The following FSTL4 variants were observed in gnomAD, a reference collection of about 807,000 sequenced individuals.
The protein encoded by FSTL4 is follistatin-related protein 4.
FSTL4 carries 28 observed loss-of-function variants against 78.2 expected under a neutral mutation model. The observed-to-expected ratio is 0.36, with a 90% CI of 0.27 to 0.49. The LOEUF is 0.49. Ranked by LOEUF, FSTL4 falls within the 20% of genes least tolerant of loss-of-function variation. The pLI is 0.98. For missense variants in FSTL4, 922 were observed against 1,084.9 expected, an observed-to-expected ratio of 0.85 and a Z score of 2.11; for synonymous variants, 422 against 440.5, an observed-to-expected ratio of 0.96 and a Z score of 0.53.
At chr5:133,217,971 T>A (rs572913645) in intron 12 of FSTL4, among the ~76,000 whole-genome samples, 1 of 152,158 alleles carries the variant, frequency 6.6e-6, no homozygotes, top group Admixed American at 6.5e-5. Flanking sequence ...CCCTTGTTAA[T>A]CTCATTGAAA....
Position 133,236,892 on chromosome 5 carries a change from C to T in FSTL4, c.895-3355G>A, listed in dbSNP as rs1487632039. On this transcript the variant is annotated intron_variant, in intron 7 of 15. Coordinates refer to ENST00000265342, the MANE Select transcript of FSTL4 (RefSeq NM_015082.2). This position sits in a 1 kb window ranked among gnomAD's most constrained non-coding sequence, Gnocchi z 5.0. Reference sequence around the variant, plus strand: ...GCCGCCTGCTGCTTTCTGTACTTACCTTGTTTGCTGTCTGTCTTCCCCTGC... The same window carrying T: ...GCCGCCTGCTGCTTTCTGTACTTACTTTGTTTGCTGTCTGTCTTCCCCTGC... Among the ~76,000 whole-genome samples the T allele has an allele frequency of 6.6e-6, 1 of 152,200 alleles. No individual in the cohort carries two copies. The highest frequency in any genetic ancestry group is 1.5e-5 in the Non-Finnish European group (1 of 68,032).
At chr5:133,267,027 T>C (rs1003755227) in intron 6 of FSTL4, among the ~76,000 whole-genome samples, 12 of 152,280 alleles carry the variant, frequency 7.9e-5, no homozygotes, top group Admixed American at 2.6e-4. Context: ...GGCCTGCCAG[T>C]TGGGCAGGGT....
the FSTL4 span, among the ~76,000 whole-genome samples, chr5:133,830,580 G>C: frequency 6.6e-6 from 1 of 152,226 alleles, no homozygotes; most frequent in Non-Finnish European, 1.5e-5. Context: ...GATTCTCACA[G>C]GCACAGAGAC....
At chr5:133,244,741 G>A in intron 7 of FSTL4, 1 of 152,280 alleles carries the variant, frequency 6.6e-6, no homozygotes, top group Non-Finnish European at 1.5e-5. Context: ...GGCTGGGTAA[G>A]GCTAAAGCCT....
intron 4 of FSTL4, among the ~76,000 whole-genome samples, chr5:133,396,292 C>T (rs954378331): frequency 2.6e-5 from 4 of 151,908 alleles, no homozygotes; most frequent in Non-Finnish European, 4.4e-5. Context: ...TCCTGTCATA[C>T]TCACAACACT....
intron 3 of FSTL4, among the ~76,000 whole-genome samples, chr5:133,508,322 T>C (rs1758654408): frequency 6.6e-6 from 1 of 152,198 alleles, no homozygotes; most frequent in Non-Finnish European, 1.5e-5. Flanking sequence ...AAATAGCCCT[T>C]TCCTTTGAGG....
At chr5:133,353,123 A>C (rs1047982135) in intron 4 of FSTL4, among the ~76,000 whole-genome samples, 6 of 152,144 alleles carry the variant, frequency 3.9e-5, no homozygotes, top group Admixed American at 3.9e-4. Context: ...TTAACTTCCC[A>C]GTATAAAGAT....
chr5:133,543,757 G>T (rs1759521300), intron 3 of FSTL4, among the ~76,000 whole-genome samples: 1 of 151,658 alleles, frequency 6.6e-6, no homozygotes, highest in South Asian at 2.1e-4. Flanking sequence ...GGAACATTTG[G>T]TTTGTTTACA....
chr5:133,813,056 G>A, the FSTL4 span, among the ~76,000 whole-genome samples: 1 of 152,144 alleles, frequency 6.6e-6, no homozygotes, highest in Non-Finnish European at 1.5e-5. Context: ...TCTGGCAAAG[G>A]AGAGGCTAAT....
intron 4 of FSTL4, among the ~76,000 whole-genome samples, chr5:133,374,090 T>C (rs1437587374): frequency 1.3e-5 from 2 of 152,142 alleles, no homozygotes; most frequent in Admixed American, 1.3e-4. Context: ...TCCTGAGTGG[T>C]AACTTAGAAG....
chr5:133,654,352 G>A, the FSTL4 span, among the ~76,000 whole-genome samples: 1 of 152,222 alleles, frequency 6.6e-6, no homozygotes, highest in Non-Finnish European at 1.5e-5. Context: ...GAGGCTCAGA[G>A]AAGTTACACA....
At chr5:133,778,605 G>A in the FSTL4 span, among the ~76,000 whole-genome samples, 4 of 152,120 alleles carry the variant, frequency 2.6e-5, no homozygotes, top group African/African-American at 4.8e-5. Flanking sequence ...GTGACACACC[G>A]TCCACTCAGT....
rs140101169 is a variant in FSTL4, at chr5:133,249,486, T to C, written c.818A>G (p.His273Arg). 3 of 1,613,510 alleles carry C rather than the reference T, an allele frequency of 1.9e-6. No homozygotes were observed. The highest frequency in any genetic ancestry group is 1.7e-5 in the Admixed American group (1 of 59,998). Residue 273 changes from histidine to arginine, a missense_variant, in exon 7 of 16, where the codon CAT becomes CGT. By Grantham distance (29) the His-to-Arg change is conservative. Coordinates refer to ENST00000265342, the MANE Select transcript of FSTL4 (RefSeq NM_015082.2). Reference protein sequence around the residue: ...GLSTVLTCAVHGDLRPPIIWK... With the variant: ...GLSTVLTCAVRGDLRPPIIWK... ...GATGATTGGTGGCCTCAGGTCTCCA[T>C]GGACGGCGCAGGTCAGCACTGTGCT... is the stretch of plus-strand genomic sequence containing the variant.
chr5:133,539,278 T>C (rs1214360247), intron 3 of FSTL4, among the ~76,000 whole-genome samples: 1 of 152,016 alleles, frequency 6.6e-6, no homozygotes, highest in Non-Finnish European at 1.5e-5. Flanking sequence ...ACAATTCACA[T>C]CCCTCCCATA....
chr5:133,576,569 C>A (rs56318640), intron 2 of FSTL4, among the ~76,000 whole-genome samples: 1 of 152,118 alleles, frequency 6.6e-6, no homozygotes, highest in Non-Finnish European at 1.5e-5. Context: ...GAAAGGAGTC[C>A]GCTGTACAAG....
chr5:133,677,987 T>C, the FSTL4 span, among the ~76,000 whole-genome samples: 39,232 of 152,136 alleles, frequency 0.26, 5,211 homozygotes, highest in Admixed American at 0.33. Flanking sequence ...TTGAAATACA[T>C]GTATGTTGTG....
intron 3 of FSTL4, among the ~76,000 whole-genome samples, chr5:133,559,753 T>C (rs1271628314): frequency 6.6e-6 from 1 of 152,240 alleles, no homozygotes; most frequent in African/African-American, 2.4e-5. Flanking sequence ...TTAGCTCATG[T>C]GCATGAACAC....
At chr5:133,364,872 C>T (rs542375881) in intron 4 of FSTL4, among the ~76,000 whole-genome samples, 18 of 152,104 alleles carry the variant, frequency 1.2e-4, no homozygotes, top group Non-Finnish European at 2.2e-4. Flanking sequence ...CATTCTTTAT[C>T]TTGGCTTAAT....
At chr5:133,742,101 T>C in the FSTL4 span, among the ~76,000 whole-genome samples, 1 of 152,230 alleles carries the variant, frequency 6.6e-6, no homozygotes, top group African/African-American at 2.4e-5. Context: ...ATCAGTGCCA[T>C]GGACCCCTGC....
Sources: allele counts gnomAD v4.1 joint callset (sites outside exome capture counted in the v4.1 genomes callset), GRCh38; gene constraint gnomAD v4.1.1; non-coding constraint Gnocchi (gnomAD v3.1); transcripts MANE v1.5; gene names NCBI Gene and HGNC (gene_info 2026-07-23, HGNC 2026-07-21).